CTTN: variants seen among roughly 807,000 people sequenced by gnomAD.
The protein encoded by CTTN is src substrate cortactin.
A neutral mutation model predicts 84.0 loss-of-function variants in CTTN; 28 were observed. The observed-to-expected ratio is 0.33, with a 90% CI of 0.25 to 0.46. CTTN has a LOEUF of 0.46. Among genes scored for constraint, CTTN ranks in the 20% least tolerant of loss-of-function variants. The probability of loss-of-function intolerance (pLI) is 1.00; values close to 1 mark genes in which losing one functional copy is unlikely to be tolerated. For synonymous variants in CTTN, 301 were observed against 288.8 expected, an observed-to-expected ratio of 1.04 and a Z score of -0.43; for missense variants, 641 against 723.8, an observed-to-expected ratio of 0.89 and a Z score of 1.31.
intron 13 of CTTN, among the ~76,000 whole-genome samples, chr11:70,427,811 C>G (rs1257925766): frequency 6.6e-6 from 1 of 152,262 alleles, no homozygotes; most frequent in Non-Finnish European, 1.5e-5. Context: ...TCTATTTCAT[C>G]TGCAGAAGCT....
At chr11:70,410,023 CAG>C in intron 5 of CTTN, 63 bp downstream of exon 5, 1 of 1,576,246 alleles carries the variant, frequency 6.3e-7, no homozygotes. Flanking sequence ...GACTGGGTGG[CAG>C]AGTCGTCCCT....
In CTTN at chr11:70,433,236, GCTGT is replaced by G; in HGVS notation, c.1405_1408del (p.Val469MetfsTer55). 1 of 1,613,160 alleles carries G rather than the reference GCTGT, an allele frequency of 6.2e-7. No individual in the cohort carries two copies. Among genetic ancestry groups the G allele is most frequent in the Non-Finnish European group, 8.5e-7 (1 of 1,179,954 alleles). ...GCAGGGCCTGGCCTATGCCACAGAG[GCTGT>G]CTATGAAAGCGCAGAGGCCCCGGGC... On this transcript the variant is annotated frameshift_variant, in exon 16 of 18. Transcript: ENST00000301843. LOFTEE classifies it high-confidence loss of function.
chr11:70,433,273 C>T lies in CTTN; in HGVS notation c.1439C>T (p.Pro480Leu). ...YESAEAPGHY[P>L]AEDSTYDEYE... ...AGCGCAGAGGCCCCGGGCCACTATC[C>T]CGCAGGTACTGGGGCCCCACGCTGC... The change falls in exon 16 of 18, where the codon CCC becomes CTC. Residue 480 changes from proline to leucine, a missense_variant. By Grantham distance (98) the Pro-to-Leu change is moderately conservative (BLOSUM62 -3). Transcript: ENST00000301843. 1 of 1,608,460 alleles carries T rather than the reference C, an allele frequency of 6.2e-7. No individual in the cohort carries two copies. The highest frequency in any genetic ancestry group is 8.5e-7 in the Non-Finnish European group (1 of 1,178,006).
At chr11:70,409,562 G>A (rs576314517) in intron 4 of CTTN, among the ~76,000 whole-genome samples, 56 of 152,264 alleles carry the variant, frequency 3.7e-4, no homozygotes, top group Non-Finnish European at 7.4e-4. Context: ...CATCTTTAGC[G>A]GGGATTTGGG....
chr11:70,400,458 T>TC (rs1471865722), intron 1 of CTTN, among the ~76,000 whole-genome samples: 1 of 151,862 alleles, frequency 6.6e-6, no homozygotes, highest in Non-Finnish European at 1.5e-5. Context: ...CGAGACCCTG[T>TC]CACCCAGGCT....
chr11:70,424,182 G>A (rs58485276), intron 12 of CTTN, among the ~76,000 whole-genome samples: 1 of 152,242 alleles, frequency 6.6e-6, no homozygotes, highest in African/African-American at 2.4e-5. Flanking sequence ...CTGGGCAGGG[G>A]GACCCAGTGA....
In CTTN at chr11:70,435,746, T is replaced by G; in HGVS notation, c.*584T>G. On this transcript the variant is annotated 3_prime_UTR_variant, in exon 18 of 18. Coordinates refer to ENST00000301843, the MANE Select transcript of CTTN (RefSeq NM_005231.4). ...TACCGTGACAGCCCGCAGGATCAGG[T>G]GACTTCTAGCAGAGACCCTGGTTTT... 6.3e-7 allele frequency: 1 copy of G among 1,597,326 alleles called. No homozygotes were observed. The highest frequency in any genetic ancestry group is 8.5e-7 in the Non-Finnish European group (1 of 1,179,466).
In CTTN at chr11:70,431,216, C is replaced by T. The variant is rs532238783; in HGVS notation, c.1202C>T (p.Thr401Met). ...LEEQARAKTQ[T>M]PPVSPAPQPT... ...GAGCAAGCCAGAGCCAAAACGCAAA[C>T]GCCCCCTGTGTCGCCCGCACCTCAG... is the stretch of plus-strand genomic sequence containing the variant. Residue 401 changes from threonine to methionine, a missense_variant, in exon 15 of 18, where the codon ACG becomes ATG. This residue lies in a region of CTTN where 289 missense variants were observed against 273.1 expected (regional missense o/e 1.06). Coordinates refer to ENST00000301843, the MANE Select transcript of CTTN (RefSeq NM_005231.4). 1.9e-5 allele frequency: 30 copies of T among 1,614,168 alleles called. No individual in the cohort carries two copies. The highest frequency in any genetic ancestry group is 4.5e-5 in the East Asian group (2 of 44,874).
chr11:70,418,584 A>G (rs12808511), intron 8 of CTTN, among the ~76,000 whole-genome samples: 30,263 of 151,964 alleles, frequency 0.2, 3,451 homozygotes, highest in Admixed American at 0.25. Context: ...AGTAGAACTG[A>G]AGTTTCTGGA....
Position 70,409,895 on chromosome 11 carries a change from A to T in CTTN, c.226A>T (p.Thr76Ser). Reference protein sequence around the residue: ...HQTLKEKELETGPKASHGYGG... With the variant: ...HQTLKEKELESGPKASHGYGG... ...GACCCTTAAGGAGAAGGAACTTGAA[A>T]CAGGACCAAAAGCTTCCCATGGCTA... The change falls in exon 5 of 18, where the codon ACA becomes TCA. Residue 76 changes from threonine (T) to serine (S), a missense_variant. This residue lies in a region of CTTN where 284 missense variants were observed against 348.4 expected (regional missense o/e 0.82). Coordinates refer to ENST00000301843, the MANE Select transcript of CTTN (RefSeq NM_005231.4). The T allele has an allele frequency of 1.2e-6, 2 of 1,614,136 alleles. No homozygotes were observed. The highest frequency in any genetic ancestry group is 1.7e-6 in the Non-Finnish European group (2 of 1,180,004).
chr11:70,410,249 C>T (rs2058083684), intron 5 of CTTN: 1 of 325,446 alleles, frequency 3.1e-6, no homozygotes, highest in Non-Finnish European at 5.8e-6. Context: ...GACAGAAGTC[C>T]AGAAGCATCC....
chr11:70,413,088 A>G (rs1375478084), intron 5 of CTTN, among the ~76,000 whole-genome samples: 1 of 152,150 alleles, frequency 6.6e-6, no homozygotes, highest in African/African-American at 2.4e-5. Flanking sequence ...TCAGCTGCCA[A>G]CCTCAAAACA....
chr11:70,421,533 TG>T lies in CTTN; in HGVS notation c.858del (p.Phe287LeufsTer57). The T allele has an allele frequency of 1.2e-6, 2 of 1,614,102 alleles. No homozygotes were observed. The highest frequency in any genetic ancestry group is 1.7e-6 in the Non-Finnish European group (2 of 1,179,998). ...TCGGAGAGGCAGGACTCCGCTGCTG[TG>T]GGGTTTGATTACAAGGAGAAGCTGG... ...VQSERQDSAA[V>X]GFDYKEKLAK... On this transcript the variant is annotated frameshift_variant, in exon 11 of 18. Transcript: ENST00000301843. LOFTEE classifies it high-confidence loss of function.
Position 70,414,587 on chromosome 11 carries a change from T to C in CTTN, c.337T>C (p.Ser113Pro). The C allele has an allele frequency of 6.2e-7, 1 of 1,614,224 alleles. No homozygotes were observed. Among genetic ancestry groups the C allele is most frequent in the Non-Finnish European group, 8.5e-7 (1 of 1,180,020 alleles). Reference protein sequence around the residue: ...EYQSKLSKHCSQVDSVRGFGG... With the variant: ...EYQSKLSKHCPQVDSVRGFGG... ...TCAGTCGAAACTTTCCAAGCACTGC[T>C]CGCAGGTGGACTCGGTCCGTGGCTT... The change falls in exon 6 of 18, where the codon TCG (serine) becomes CCG (proline). Residue 113 changes from serine to proline, a missense_variant. This residue lies in a region of CTTN where 284 missense variants were observed against 348.4 expected (regional missense o/e 0.82). Transcript: ENST00000301843.
At chr11:70,434,990 G>A (rs1211623377) in intron 17 of CTTN, 36 bp from the exon 18 acceptor site, 1 of 1,609,962 alleles carries the variant, frequency 6.2e-7, no homozygotes, top group Non-Finnish European at 8.5e-7. Flanking sequence ...GGAAACGCTT[G>A]CACTTCAGCA....
At chr11:70,423,538 G>T (rs115938140) in intron 12 of CTTN, among the ~76,000 whole-genome samples, 1 of 152,230 alleles carries the variant, frequency 6.6e-6, no homozygotes, top group Non-Finnish European at 1.5e-5. Context: ...ATCCAGGGGC[G>T]TAGGCAGGCA....
chr11:70,407,580 G>A lies in CTTN; in HGVS notation c.150G>A (p.Gln50=), dbSNP rs1035337954. 2.5e-6 allele frequency: 4 copies of A among 1,612,618 alleles called. No homozygotes were observed. Among genetic ancestry groups the A allele is most frequent in the African/African-American group, 2.7e-5 (2 of 74,846 alleles). The part of the protein sequence containing the change: ...GAKTVQGSGH[Q]EHINIHKLRE... The stretch of plus-strand genomic sequence containing the variant: ...AGACGGTGCAGGGCTCCGGGCACCA[G>A]GAGCATATCAAGTAAGAGGCGTCGC... Residue 50 remains glutamine, a synonymous_variant, in exon 4 of 18, where the codon CAG becomes CAA. Coordinates refer to ENST00000301843, the MANE Select transcript of CTTN (RefSeq NM_005231.4).
chr11:70,413,567 A>G (rs2058119757), intron 5 of CTTN, among the ~76,000 whole-genome samples: 1 of 152,154 alleles, frequency 6.6e-6, no homozygotes, highest in South Asian at 2.1e-4. Flanking sequence ...CGTTATTTAC[A>G]GAAGAGCTGG....
intron 8 of CTTN, 32 bp downstream of exon 8, chr11:70,417,155 G>A (rs1176449520): frequency 2.6e-6 from 4 of 1,545,792 alleles, no homozygotes; most frequent in South Asian, 2.2e-5. Flanking sequence ...GTAATCACGC[G>A]TTTGCTCCAG....
Sources: gnomAD v4.1 joint callset for allele counts (sites outside exome capture counted in the v4.1 genomes callset) on GRCh38, gnomAD v4.1.1 for gene constraint, gnomAD v4.1.1 regional missense constraint, MANE v1.5 for transcripts, NCBI Gene and HGNC (gene_info 2026-07-23, HGNC 2026-07-21) for gene names.